The following LEF1 variants were observed in gnomAD, a reference collection of about 807,000 sequenced individuals.
The protein encoded by LEF1 is lymphoid enhancer-binding factor 1.
Under a neutral mutation model 51.2 loss-of-function variants are expected in LEF1, and 14 were observed. The ratio of observed to expected loss-of-function variants is 0.27; its 90% CI spans 0.18 to 0.43. The LOEUF is 0.43. Ranked by LOEUF, LEF1 falls within the 20% of genes least tolerant of loss-of-function variation. The probability of loss-of-function intolerance (pLI) is 1.00; values close to 1 mark genes in which losing one functional copy is unlikely to be tolerated. For synonymous variants in LEF1, 185 were observed against 183.2 expected, an observed-to-expected ratio of 1.01 and a Z score of -0.08; for missense variants, 386 against 512.0, an observed-to-expected ratio of 0.75 and a Z score of 2.37.
chr4:108,064,236 T>TA, intron 10 of LEF1, 100 bp downstream of exon 10: 1 of 731,916 alleles, frequency 1.4e-6, no homozygotes, highest in Non-Finnish European at 2.4e-6. Context: ...CATCATAAGT[T>TA]ACAGTCACAG....
chr4:108,080,565 T>C (rs192542206), intron 6 of LEF1, among the ~76,000 whole-genome samples: 53 of 152,330 alleles, frequency 3.5e-4, no homozygotes, highest in African/African-American at 1.2e-3. Context: ...GACCAAATAA[T>C]GATGCTTTGC....
Position 108,167,351 on chromosome 4 carries a change from T to TACACACACAAAC in LEF1, c.213+203_213+204insGTTTGTGTGTGT, listed in dbSNP as rs1745476336. 7.6e-6 allele frequency among the ~76,000 whole-genome samples: 1 copy of TACACACACAAAC among 131,696 alleles called. No individual in the cohort carries two copies. The allele number at this position is 131,696 out of a possible 152,430, so 86.4% of individuals were successfully genotyped here. ...TACCCTGCCCCTCTACCTCCCATCCTACACACACACACACACACACACACA... is the reference window on the plus strand; with the variant it reads ...TACCCTGCCCCTCTACCTCCCATCCTACACACACAAACACACACACACACACACACACACACA... On this transcript the variant is annotated intron_variant, in intron 1 of 11. Coordinates refer to ENST00000265165, the MANE Select transcript of LEF1 (RefSeq NM_016269.5). The surrounding 1 kb of genome is among the most constrained non-coding windows in gnomAD (Gnocchi z 5.7).
chr4:108,125,711 G>A (rs531609464), intron 3 of LEF1, among the ~76,000 whole-genome samples: 2 of 150,322 alleles, frequency 1.3e-5, no homozygotes, highest in Admixed American at 1.3e-4. Flanking sequence ...AACACACCTT[G>A]GGATTTTTTT....
intron 11 of LEF1, 98 bp from the exon 12 acceptor site, chr4:108,048,849 C>T (rs754962807): frequency 1.4e-6 from 1 of 730,822 alleles, no homozygotes; most frequent in Non-Finnish European, 2.0e-6. Flanking sequence ...ACAACCTCTG[C>T]ATTTAATTAA....
At chr4:108,066,163 T>C (rs1738066372) in intron 9 of LEF1, among the ~76,000 whole-genome samples, 2 of 152,180 alleles carry the variant, frequency 1.3e-5, no homozygotes, top group Non-Finnish European at 2.9e-5. Context: ...TAAGTGGGGC[T>C]TCTTTCAAGA....
chr4:108,092,388 C>T (rs1191157178), intron 3 of LEF1, among the ~76,000 whole-genome samples: 2 of 152,106 alleles, frequency 1.3e-5, no homozygotes, highest in Non-Finnish European at 2.9e-5. Flanking sequence ...TGCTTCCTGC[C>T]AACCATCTCC....
intron 3 of LEF1, among the ~76,000 whole-genome samples, chr4:108,109,391 T>G (rs926867649): frequency 6.6e-6 from 1 of 152,220 alleles, no homozygotes; most frequent in Non-Finnish European, 1.5e-5. Flanking sequence ...TGATTAAGCA[T>G]GAACTCCAGA....
At chr4:108,100,447 T>C (rs1218044196) in intron 3 of LEF1, among the ~76,000 whole-genome samples, 1 of 152,220 alleles carries the variant, frequency 6.6e-6, no homozygotes, top group Non-Finnish European at 1.5e-5. Context: ...TTTCTGTGAA[T>C]ATAAAATCAA....
At chr4:108,166,561 G>T in intron 1 of LEF1, 1 of 1,213,190 alleles carries the variant, frequency 8.2e-7, no homozygotes, top group Non-Finnish European at 1.0e-6. Flanking sequence ...CCCTAGACCA[G>T]CTCTGGACTA....
At chr4:108,069,741 G>A (rs930142439) in intron 9 of LEF1, among the ~76,000 whole-genome samples, 3 of 152,168 alleles carry the variant, frequency 2.0e-5, no homozygotes, top group African/African-American at 7.2e-5. Flanking sequence ...CAGATCAGCT[G>A]AGGTCAGGCA....
At chr4:108,154,443 CA>C (rs10672899) in intron 3 of LEF1, among the ~76,000 whole-genome samples, 2,088 of 71,852 alleles carry the variant, frequency 0.029, 40 homozygotes, top group African/African-American at 0.1. Flanking sequence ...AAGGTAGTAG[CA>C]AAAAAAAAAA....
At chr4:108,065,534 G>A (rs1227201025) in intron 9 of LEF1, among the ~76,000 whole-genome samples, 1 of 152,170 alleles carries the variant, frequency 6.6e-6, no homozygotes, top group Non-Finnish European at 1.5e-5. Flanking sequence ...TATTTTTGAT[G>A]TGCCGTTTCT....
intron 3 of LEF1, among the ~76,000 whole-genome samples, chr4:108,155,753 C>T (rs1342050454): frequency 6.6e-6 from 1 of 152,174 alleles, no homozygotes; most frequent in Non-Finnish European, 1.5e-5. Flanking sequence ...CCAAAGTTTT[C>T]AGAAGAAGAT....
At chr4:108,071,483 CTGTAATTTCTAATATGAAGAA>C (rs1469958237) in intron 8 of LEF1, among the ~76,000 whole-genome samples, 1 of 152,166 alleles carries the variant, frequency 6.6e-6, no homozygotes, top group Non-Finnish European at 1.5e-5. Context: ...GAATTTGAGA[CTGTAATTTCTAATATGAAGAA>C]TGTAGCTGCT....
rs1387790447 is a variant in LEF1 at position 108,089,181 on chromosome 4, T to C, written c.491A>G (p.His164Arg). ...TGACGGGTGTGATCCTGGAGAAAAG[T>C]GCTCGTCACTGTAAGTGATGAGGGG... ...LTPLITYSDE[H>R]FSPGSHPSHI... Residue 164 changes from histidine to arginine, a missense_variant, in exon 4 of 12, where the codon CAC becomes CGC. Transcript: ENST00000265165. The C allele has an allele frequency of 4.3e-6, 7 of 1,613,946 alleles. No homozygotes were observed. Among genetic ancestry groups the C allele is most frequent in the African/African-American group, 1.3e-5 (1 of 74,958 alleles).
chr4:108,100,825 C>T (rs1000816505), intron 3 of LEF1, among the ~76,000 whole-genome samples: 1 of 152,350 alleles, frequency 6.6e-6, no homozygotes, highest in African/African-American at 2.4e-5. Flanking sequence ...CTGGCAAACA[C>T]TGAATCCCTT....
rs187816482 is a variant in LEF1, at chr4:108,112,121, A to G, written c.415-22864T>C. Among the ~76,000 whole-genome samples the G allele has an allele frequency of 1.3e-3, 194 of 152,260 alleles. 3 individuals are homozygous for G. The highest frequency in any genetic ancestry group is 3.3e-4 in the Admixed American group (5 of 15,296). Reference sequence around the variant, plus strand: ...GTGGTAATGACCTGTTGGGAGTTCAATGGTGCTAGGATGTTGGGAGGTCAG... The same window carrying G: ...GTGGTAATGACCTGTTGGGAGTTCAGTGGTGCTAGGATGTTGGGAGGTCAG... On this transcript the variant is annotated intron_variant, in intron 3 of 11. Transcript: ENST00000265165.
chr4:108,112,568 T>A (rs1263842972), intron 3 of LEF1, among the ~76,000 whole-genome samples: 15 of 152,194 alleles, frequency 9.9e-5, no homozygotes, highest in Admixed American at 2.0e-4. Flanking sequence ...TGTGCCTTGA[T>A]TTTTCCTCAT....
At chr4:108,068,397 CACCTACT>C (rs1349456742) in intron 9 of LEF1, among the ~76,000 whole-genome samples, 1 of 152,156 alleles carries the variant, frequency 6.6e-6, no homozygotes, top group East Asian at 1.9e-4. Context: ...TCAGCTTAGC[CACCTACT>C]ACAAGGCCTT....
Sources: gnomAD v4.1 joint callset for allele counts (sites outside exome capture counted in the v4.1 genomes callset) on GRCh38, gnomAD v4.1.1 for gene constraint, Gnocchi (gnomAD v3.1) non-coding constraint, MANE v1.5 for transcripts, NCBI Gene and HGNC (gene_info 2026-07-23, HGNC 2026-07-21) for gene names.